Variants in MRPL54 observed in about 807,000 individuals in gnomAD.
The protein encoded by MRPL54 is large ribosomal subunit protein mL54.
Under a neutral mutation model 15.6 loss-of-function variants are expected in MRPL54, and 12 were observed. The observed-to-expected ratio is 0.77, with a 90% CI of 0.49 to 1.24. The LOEUF (loss-of-function observed/expected upper bound fraction) is 1.24, where lower values mean the gene tolerates loss of function less well. Among genes scored for constraint, MRPL54 ranks in the 50% most tolerant of loss-of-function variants. The pLI, the probability that MRPL54 is intolerant of heterozygous loss-of-function variation, is 0.00. For synonymous variants in MRPL54, 91 were observed against 75.7 expected (o/e 1.20, Z -1.05); for missense variants, 178 against 186.8 (o/e 0.95, Z 0.28).
chr19:3,763,616 A>T (rs899381880), intron 1 of MRPL54, among the ~76,000 whole-genome samples: 1 of 10,766 alleles, frequency 9.3e-5, no homozygotes, highest in Non-Finnish European at 1.4e-4. Context: ...CTGTTTGTAT[A>T]AAAAAAAAAA....
rs116682299 is a variant in MRPL54 at position 3,767,091 on chromosome 19, T to C, written c.285-170T>C. ...GGATGGGGTTGGCTCCATTGCTGCA[T>C]GGCCAGGGACCCACCCAGCCCAGGG... On this transcript the variant is annotated intron_variant, in intron 2 of 2. Coordinates refer to ENST00000330133, the MANE Select transcript of MRPL54 (RefSeq NM_172251.3). 6.3e-3 allele frequency among the ~76,000 whole-genome samples: 960 copies of C among 152,180 alleles called. 21 individuals are homozygous for C. Among genetic ancestry groups the C allele is most frequent in the African/African-American group, 0.022 (924 of 41,524 alleles).
At chr19:3,766,793 G>A (rs2037202221) in intron 2 of MRPL54, among the ~76,000 whole-genome samples, 1 of 152,232 alleles carries the variant, frequency 6.6e-6, no homozygotes, top group Admixed American at 6.5e-5. Flanking sequence ...AGTGGGCACA[G>A]CCTGTGCAAA....
Position 3,765,243 on chromosome 19 carries a change from G to A in MRPL54, c.196G>A (p.Val66Ile). ...GGACCCCGACGTATGCACAGATCCTGTCCAGCTCACCACATATGCCATGGG... is the reference window on the plus strand; with the variant it reads ...GGACCCCGACGTATGCACAGATCCTATCCAGCTCACCACATATGCCATGGG... ...LKDPDVCTDP[V>I]QLTTYAMGVN... Residue 66 changes from valine to isoleucine, a missense_variant, in exon 2 of 3, where the codon GTC (valine) becomes ATC (isoleucine). Coordinates refer to ENST00000330133, the MANE Select transcript of MRPL54 (RefSeq NM_172251.3). The A allele has an allele frequency of 6.2e-7, 1 of 1,613,986 alleles. No individual in the cohort carries two copies. The highest frequency in any genetic ancestry group is 1.7e-5 in the Admixed American group (1 of 59,996).
intron 2 of MRPL54, among the ~76,000 whole-genome samples, chr19:3,766,739 A>G (rs2037201615): frequency 6.6e-6 from 1 of 152,068 alleles, no homozygotes; most frequent in African/African-American, 2.4e-5. Flanking sequence ...GGTTTGGGGG[A>G]CACAGAAGCC....
At chr19:3,766,803 A>C (rs1034448853) in intron 2 of MRPL54, among the ~76,000 whole-genome samples, 6 of 152,296 alleles carry the variant, frequency 3.9e-5, no homozygotes, top group Admixed American at 2.0e-4. Context: ...GCCTGTGCAA[A>C]GGCCCCGGGG....
chr19:3,765,066 C>G, intron 1 of MRPL54, 100 bp from the exon 2 acceptor site: 1 of 1,252,040 alleles, frequency 8.0e-7, no homozygotes, highest in Non-Finnish European at 1.1e-6. Flanking sequence ...TAGCAGAGTC[C>G]AGCCAGGGGC....
Position 3,765,805 on chromosome 19 carries a change from C to T in MRPL54, c.284+474C>T, listed in dbSNP as rs566747469. ...CCCAGTTACTTGGGAGGCTGAGGCA[C>T]GAGAATTGCTTGAGCCTGGGAGGCA... On this transcript the variant is annotated intron_variant, in intron 2 of 2. Transcript: ENST00000330133. 3.3e-5 allele frequency among the ~76,000 whole-genome samples: 5 copies of T among 149,804 alleles called. No homozygotes were observed. The East Asian group carries it at 6.0e-4, about 18-fold the overall frequency.
chr19:3,762,696 A>G lies in MRPL54; in HGVS notation c.-5A>G. ...CGTGCACTTGCAAGCTGCCCGCAAT[A>G]CGTCATGGCGACCAAACGCCTTTTC... On this transcript the variant is annotated 5_prime_UTR_variant, in exon 1 of 3. It adds an upstream start codon to the 5' untranslated region. Transcript: ENST00000330133. 6.2e-7 allele frequency: 1 copy of G among 1,611,012 alleles called. No homozygotes were observed. The highest frequency in any genetic ancestry group is 1.3e-5 in the African/African-American group (1 of 74,780).
chr19:3,764,136 G>GC (rs1391961434), intron 1 of MRPL54, among the ~76,000 whole-genome samples: 1 of 151,668 alleles, frequency 6.6e-6, no homozygotes, highest in Admixed American at 6.6e-5. Context: ...GCTGGAGTGT[G>GC]CAGTGGCGCA....
chr19:3,765,471 CT>C, intron 2 of MRPL54, 140 bp downstream of exon 2: 1 of 839,008 alleles, frequency 1.2e-6, no homozygotes, highest in Non-Finnish European at 1.8e-6. Flanking sequence ...GGGCAGGGGG[CT>C]TCAGGGCTCT....
At chr19:3,767,228 T>C in intron 2 of MRPL54, 33 bp from the exon 3 acceptor site, 1 of 1,601,442 alleles carries the variant, frequency 6.2e-7, no homozygotes, top group East Asian at 2.3e-5. Context: ...GGGGTCACCG[T>C]GTAGCTCTGA....
chr19:3,766,160 TC>T (rs1319425360), intron 2 of MRPL54, among the ~76,000 whole-genome samples: 2 of 150,558 alleles, frequency 1.3e-5, no homozygotes, highest in Non-Finnish European at 1.5e-5. Context: ...CACTGCAACC[TC>T]CACCTCCCAG....
rs769550390 is a variant in MRPL54 at position 3,762,800 on chromosome 19, G to C, written c.100G>C (p.Asp34His). The change falls in exon 1 of 3, where the codon GAT (aspartate) becomes CAT (histidine). Residue 34 changes from aspartate (D) to histidine (H), a missense_variant. Coordinates refer to ENST00000330133, the MANE Select transcript of MRPL54 (RefSeq NM_172251.3). ...CACTTCCGGAAGACTCCTGGCCCGG[G>C]ATTATGCCAAGAAACCAGGTGAGCT... ...PATSGRLLAR[D>H]YAKKPVMKGA... is the part of the protein sequence containing the mutation. 2 of 1,587,548 alleles carry C rather than the reference G, an allele frequency of 1.3e-6. No homozygotes were observed. The highest frequency in any genetic ancestry group is 1.4e-5 in the African/African-American group (1 of 73,618).
At chr19:3,765,403 G>C in intron 2 of MRPL54, 72 bp downstream of exon 2, 2 of 1,552,244 alleles carry the variant, frequency 1.3e-6, no homozygotes, top group South Asian at 1.1e-5. Flanking sequence ...CCTTCCCGGA[G>C]AGGCGGATCG....
At chr19:3,766,227 G>A (rs1043202210) in intron 2 of MRPL54, among the ~76,000 whole-genome samples, 80 of 152,138 alleles carry the variant, frequency 5.3e-4, no homozygotes, top group Middle Eastern at 3.4e-3. Flanking sequence ...ACAGGTGCCC[G>A]CCGTCACACC....
intron 2 of MRPL54, among the ~76,000 whole-genome samples, chr19:3,766,098 T>G (rs1462943952): frequency 7.1e-6 from 1 of 141,480 alleles, no homozygotes; most frequent in African/African-American, 2.6e-5. Flanking sequence ...TTTTTTGAGA[T>G]GGAGTTTTGC....
chr19:3,765,384 A>G (rs1019873620), intron 2 of MRPL54, 53 bp downstream of exon 2: 5 of 1,579,254 alleles, frequency 3.2e-6, no homozygotes, highest in African/African-American at 1.4e-5. Flanking sequence ...CCTCCGCCCC[A>G]GGAGGACCCC....
chr19:3,766,046 G>A (rs1018618648), intron 2 of MRPL54, among the ~76,000 whole-genome samples: 28 of 151,658 alleles, frequency 1.8e-4, no homozygotes, highest in African/African-American at 5.8e-4. Context: ...AGAGTAGCTG[G>A]GATTACAGGC....
In MRPL54 at chr19:3,762,742, C is replaced by T. The variant is rs977682457; in HGVS notation, c.42C>T (p.Ala14=). The stretch of plus-strand genomic sequence containing the variant: ...TTTTCGGGGCTACCCGGACGTGGGC[C>T]GGCTGGGGGGCCTGGGAGCTCCTAA... ...KRLFGATRTW[A]GWGAWELLNP... The change falls in exon 1 of 3, where the codon GCC becomes GCT. Residue 14 remains alanine (A), a synonymous_variant. Transcript: ENST00000330133. The T allele has an allele frequency of 6.2e-7, 1 of 1,611,114 alleles. No individual in the cohort carries two copies. Among genetic ancestry groups the T allele is most frequent in the Non-Finnish European group, 8.5e-7 (1 of 1,178,790 alleles).
Sources: gnomAD v4.1 joint callset for allele counts (sites outside exome capture counted in the v4.1 genomes callset) on GRCh38, gnomAD v4.1.1 for gene constraint, MANE v1.5 for transcripts, NCBI Gene and HGNC (gene_info 2026-07-23, HGNC 2026-07-21) for gene names.